The following ZCCHC24 variants were observed in gnomAD, a reference collection of about 807,000 sequenced individuals.
The protein encoded by ZCCHC24 is zinc finger CCHC domain-containing protein 24.
In ZCCHC24, 10 loss-of-function variants were observed where a neutral mutation model predicts 26.2. The ratio of observed to expected loss-of-function variants is 0.38; its 90% CI spans 0.24 to 0.65. The LOEUF is 0.65. Ranked by LOEUF, ZCCHC24 falls within the 30% of genes least tolerant of loss-of-function variation. The pLI is 0.54. For missense variants in ZCCHC24, 243 were observed against 329.1 expected, an observed-to-expected ratio of 0.74 and a Z score of 2.03; for synonymous variants, 144 against 147.1, an observed-to-expected ratio of 0.98 and a Z score of 0.15.
At chr10:79,416,245 A>G (rs1052428814) in intron 2 of ZCCHC24, among the ~76,000 whole-genome samples, 1 of 152,160 alleles carries the variant, frequency 6.6e-6, no homozygotes, top group African/African-American at 2.4e-5. Context: ...ACTGCACAGA[A>G]GGGGAAATTG....
chr10:79,418,507 C>T (rs756475582), intron 2 of ZCCHC24, among the ~76,000 whole-genome samples: 1 of 152,206 alleles, frequency 6.6e-6, no homozygotes, highest in Non-Finnish European at 1.5e-5. Context: ...GCACGACTCA[C>T]CAAGGCAGGA....
chr10:79,431,397 G>C (rs1309599780), intron 2 of ZCCHC24, among the ~76,000 whole-genome samples: 1 of 152,214 alleles, frequency 6.6e-6, no homozygotes, highest in Non-Finnish European at 1.5e-5. Flanking sequence ...TGTGGGGTCT[G>C]CAGGAAAGTC....
At chr10:79,396,490 C>T (rs1316489461) in intron 2 of ZCCHC24, among the ~76,000 whole-genome samples, 1 of 152,198 alleles carries the variant, frequency 6.6e-6, no homozygotes. Flanking sequence ...ACCTCTGCTC[C>T]CACCAACTAG....
rs544532296 is a variant in ZCCHC24 at position 79,396,751 on chromosome 10, A to G, written c.448-2311T>C. Among the ~76,000 whole-genome samples, 18 of 152,374 alleles carry G rather than the reference A, an allele frequency of 1.2e-4. 1 individual carries two copies. The highest frequency in any genetic ancestry group is 3.4e-3 in the Middle Eastern group (1 of 294). On this transcript the variant is annotated intron_variant, in intron 2 of 3. Transcript: ENST00000372336. ...TGCTGGGCTATGAGATGATGTTGCC[A>G]TAGTAACTTTCCTTGGGGAACTGCC...
intron 3 of ZCCHC24, among the ~76,000 whole-genome samples, chr10:79,392,032 C>T (rs1328251579): frequency 6.6e-6 from 1 of 151,964 alleles, no homozygotes; most frequent in African/African-American, 2.4e-5. Context: ...ACCCAGTCCA[C>T]AGGCCCACCC....
chr10:79,433,327 G>A (rs150734459), intron 1 of ZCCHC24, among the ~76,000 whole-genome samples: 230 of 152,286 alleles, frequency 1.5e-3, no homozygotes, highest in East Asian at 2.9e-3. Flanking sequence ...CCTGCAGCCC[G>A]AGGCTTGTGT....
chr10:79,434,150 G>A (rs17490856), intron 1 of ZCCHC24, among the ~76,000 whole-genome samples: 5 of 152,204 alleles, frequency 3.3e-5, no homozygotes, highest in African/African-American at 1.2e-4. Context: ...ATCTGGATCA[G>A]AGCCTGGGAT....
rs1013501140 is a variant in ZCCHC24, at chr10:79,434,637, A to G, written c.247-1879T>C. Reference sequence around the variant, plus strand: ...CCAACCTGTATTGAATGACCTGGGAAGCTTATAACAAACAGTTTTCTGGGC... The same window carrying G: ...CCAACCTGTATTGAATGACCTGGGAGGCTTATAACAAACAGTTTTCTGGGC... On this transcript the variant is annotated intron_variant, in intron 1 of 3. Transcript: ENST00000372336. Among the ~76,000 whole-genome samples, 123 of 152,194 alleles carry G rather than the reference A, an allele frequency of 8.1e-4. 1 individual carries two copies. Among genetic ancestry groups the G allele is most frequent in the Non-Finnish European group, 1.3e-4 (9 of 68,020 alleles).
At chr10:79,392,182 C>T (rs926615704) in intron 3 of ZCCHC24, among the ~76,000 whole-genome samples, 9 of 152,134 alleles carry the variant, frequency 5.9e-5, no homozygotes, top group Non-Finnish European at 1.0e-4. Flanking sequence ...AACCTTTGCC[C>T]CGTGGACCCT....
At chr10:79,400,957 G>GTCCCTGGTGCTTGA (rs1856621583) in intron 2 of ZCCHC24, among the ~76,000 whole-genome samples, 1 of 152,250 alleles carries the variant, frequency 6.6e-6, no homozygotes. Context: ...GTCCCACCAC[G>GTCCCTGGTGCTTGA]AGTGAGTGAT....
At chr10:79,409,656 C>T (rs944178198) in intron 2 of ZCCHC24, among the ~76,000 whole-genome samples, 5 of 152,200 alleles carry the variant, frequency 3.3e-5, no homozygotes, top group East Asian at 1.9e-4. Flanking sequence ...GGGCAGGCAG[C>T]GGCCTGGCAA....
At chr10:79,386,944 T>C (rs1196014408) in intron 3 of ZCCHC24, among the ~76,000 whole-genome samples, 1 of 152,168 alleles carries the variant, frequency 6.6e-6, no homozygotes, top group Non-Finnish European at 1.5e-5. Flanking sequence ...AACGGAGGCC[T>C]GGACCCACAT....
At chr10:79,435,208 CT>C (rs111649601) in intron 1 of ZCCHC24, among the ~76,000 whole-genome samples, 344 of 149,706 alleles carry the variant, frequency 2.3e-3, no homozygotes, top group African/African-American at 7.2e-3. Context: ...TTCTTTCTTT[CT>C]TTTTTTTTTA....
At chr10:79,408,712 C>T (rs1049971125) in intron 2 of ZCCHC24, among the ~76,000 whole-genome samples, 1 of 152,174 alleles carries the variant, frequency 6.6e-6, no homozygotes, top group African/African-American at 2.4e-5. Context: ...AGAAGCCATA[C>T]AGAAGGTCTG....
chr10:79,439,342 G>C (rs73303092), intron 1 of ZCCHC24, among the ~76,000 whole-genome samples: 3 of 152,124 alleles, frequency 2.0e-5, no homozygotes, highest in Non-Finnish European at 4.4e-5. Context: ...TCAAGAAATC[G>C]ATACATATTT....
intron 2 of ZCCHC24, among the ~76,000 whole-genome samples, chr10:79,396,224 T>TA (rs1856544783): frequency 6.6e-6 from 1 of 152,274 alleles, no homozygotes; most frequent in Non-Finnish European, 1.5e-5. Flanking sequence ...ACTGTATGGA[T>TA]ATGCCATGCT....
In ZCCHC24 at chr10:79,432,442, C is replaced by T. The variant is rs949431523; in HGVS notation, c.447+116G>A. 1.7e-5 allele frequency: 18 copies of T among 1,071,746 alleles called. No individual in the cohort carries two copies. In the African/African-American group the frequency reaches 2.6e-4, roughly 15 times the overall value. 66.4% of individuals were successfully genotyped at this position (1,071,746 alleles called of 1,614,324 possible). ...GGGTAGAGGCCAGAGGACCACGGGG[C>T]CACTCATTGGTGGAAGGGGCCCTGG... On this transcript the variant is annotated intron_variant, in intron 2 of 3. Transcript: ENST00000372336.
At position 79,445,489 on chromosome 10, in the gene ZCCHC24, C is replaced by G. The variant is rs1217941734; in HGVS notation, c.-49G>C. 7.7e-7 allele frequency: 1 copy of G among 1,305,656 alleles called. No individual in the cohort carries two copies. Among genetic ancestry groups the G allele is most frequent in the East Asian group, 3.1e-5 (1 of 31,778 alleles). The allele number at this position is 1,305,656 out of a possible 1,614,324, so 80.9% of individuals were successfully genotyped here. A position where few individuals can be genotyped will look rare whatever the true frequency, so the allele number is the denominator to read the frequency against. On this transcript the variant is annotated 5_prime_UTR_variant, in exon 1 of 4. Coordinates refer to ENST00000372336, the MANE Select transcript of ZCCHC24 (RefSeq NM_153367.4). ...TCCCCGGCCGCCCGCTCGCGGCCCCCCTCCGCAGCGGAGGGGCGGGCACCG... is the reference window on the plus strand; with the variant it reads ...TCCCCGGCCGCCCGCTCGCGGCCCCGCTCCGCAGCGGAGGGGCGGGCACCG...
rs1453933805 is a variant in ZCCHC24, at chr10:79,382,762, G to A, written c.*3583C>T. The A allele has an allele frequency of 2.0e-5, 3 of 152,834 alleles. No homozygotes were observed. The highest frequency in any genetic ancestry group is 2.9e-5 in the Non-Finnish European group (2 of 68,062). 9.5% of individuals were successfully genotyped at this position (152,834 alleles called of 1,614,324 possible). A position where few individuals can be genotyped will look rare whatever the true frequency, so the allele number is the denominator to read the frequency against. Reference sequence around the variant, plus strand: ...ATTCAAGTCTATTAGATGCTGGAGGGCTGGTGTAAGGGCTCCGGTTGACAT... The same window carrying A: ...ATTCAAGTCTATTAGATGCTGGAGGACTGGTGTAAGGGCTCCGGTTGACAT... On this transcript the variant is annotated 3_prime_UTR_variant, in exon 4 of 4. Transcript: ENST00000372336.
Sources: allele counts gnomAD v4.1 joint callset (sites outside exome capture counted in the v4.1 genomes callset), GRCh38; gene constraint gnomAD v4.1.1; transcripts MANE v1.5; gene names NCBI Gene and HGNC (gene_info 2026-07-23, HGNC 2026-07-21).